Variants in TFDP1 observed in about 807,000 individuals in gnomAD.
TFDP1 encodes the protein transcription factor Dp-1, also known as DRTF1-polypeptide 1.
TFDP1 carries 6 observed loss-of-function variants against 48.0 expected under a neutral mutation model. The observed-to-expected ratio is 0.13, with a 90% CI of 0.07 to 0.25. TFDP1 has a LOEUF of 0.25. TFDP1 is among the 10% of genes least tolerant of loss of function. The pLI is 1.00. For missense variants in TFDP1, 335 were observed against 543.0 expected (o/e 0.62, Z 3.81); for synonymous variants, 201 against 211.6 (o/e 0.95, Z 0.44).
At chr13:113,640,064 G>T (rs977702011) in intron 11 of TFDP1, 56 bp from the exon 12 acceptor site, 3 of 1,325,472 alleles carry the variant, frequency 2.3e-6, no homozygotes, top group East Asian at 2.4e-5. Context: ...CCTGAGGCGG[G>T]GGGAGGCTGG....
chr13:113,610,067 G>A (rs1391059470), intron 2 of TFDP1, among the ~76,000 whole-genome samples: 2 of 152,250 alleles, frequency 1.3e-5, no homozygotes, highest in African/African-American at 2.4e-5. Flanking sequence ...GTTCTGATAG[G>A]AGTCCCCCTT....
chr13:113,586,853 T>C (rs1364794945), intron 2 of TFDP1, among the ~76,000 whole-genome samples: 4 of 152,236 alleles, frequency 2.6e-5, no homozygotes, highest in Non-Finnish European at 4.4e-5. Flanking sequence ...GTGTGAGTTT[T>C]TGAAGTCATA....
chr13:113,625,535 G>C (rs1273001357), intron 4 of TFDP1, among the ~76,000 whole-genome samples: 2 of 102,426 alleles, frequency 2.0e-5, no homozygotes, highest in African/African-American at 5.2e-5. Flanking sequence ...GTGTTTCTCA[G>C]GTGTCTCTCA....
At chr13:113,588,340 A>G (rs1396117760) in intron 2 of TFDP1, among the ~76,000 whole-genome samples, 2 of 152,218 alleles carry the variant, frequency 1.3e-5, no homozygotes, top group Admixed American at 1.3e-4. Flanking sequence ...AGGCCCTGGT[A>G]GTCACCATGG....
At chr13:113,638,193 A>C (rs1289101683) in intron 11 of TFDP1, among the ~76,000 whole-genome samples, 1 of 152,242 alleles carries the variant, frequency 6.6e-6, no homozygotes, top group East Asian at 1.9e-4. Flanking sequence ...CGGCAGCCCA[A>C]GTAACAGCAA....
At chr13:113,592,993 C>A (rs1263417544) in intron 2 of TFDP1, among the ~76,000 whole-genome samples, 2 of 140,634 alleles carry the variant, frequency 1.4e-5, no homozygotes, top group Non-Finnish European at 3.0e-5. Flanking sequence ...GACAGGTGTG[C>A]TGTGCACGCG....
At chr13:113,625,777 ACG>A (rs2049148399) in intron 4 of TFDP1, among the ~76,000 whole-genome samples, 4 of 112,040 alleles carry the variant, frequency 3.6e-5, no homozygotes, top group Admixed American at 9.0e-5. Flanking sequence ...GGCGTCTCTC[ACG>A]TGTCCTCAGG....
intron 4 of TFDP1, among the ~76,000 whole-genome samples, chr13:113,625,083 T>C (rs201015242): frequency 5.8e-4 from 61 of 105,722 alleles, no homozygotes; most frequent in Non-Finnish European, 6.2e-4. Flanking sequence ...TGTCCTCAGG[T>C]GTCTCTCACG....
intron 2 of TFDP1, among the ~76,000 whole-genome samples, chr13:113,610,108 C>T (rs1284668553): frequency 2.6e-5 from 4 of 152,172 alleles, no homozygotes; most frequent in African/African-American, 9.7e-5. Flanking sequence ...TGTACCATTA[C>T]GCGTGTGCTC....
At position 113,623,306 on chromosome 13, in the gene TFDP1, G is replaced by A. The variant is rs761037150; in HGVS notation, c.186+20G>A. On this transcript the variant is annotated intron_variant, in intron 4 of 11. Coordinates refer to ENST00000375370, the MANE Select transcript of TFDP1 (RefSeq NM_007111.5). The surrounding 1 kb of genome is among the most constrained non-coding windows in gnomAD (Gnocchi z 5.2). ...CAAGTGGTAAGCCTCCCGCAGGAGC[G>A]GACAGCCGGGATCTCGGTGTGAGGT... 1.3e-5 allele frequency: 21 copies of A among 1,588,712 alleles called. No homozygotes were observed. The highest frequency in any genetic ancestry group is 6.9e-5 in the East Asian group (3 of 43,324).
chr13:113,617,585 TGCAGAGCCC>T (rs2048892760), intron 3 of TFDP1, among the ~76,000 whole-genome samples: 1 of 139,142 alleles, frequency 7.2e-6, no homozygotes, highest in African/African-American at 3.3e-5. Flanking sequence ...GCCGCTCACC[TGCAGAGCCC>T]TTCACCTGCA....
rs1157909902 is a variant in TFDP1 at position 113,593,874 on chromosome 13, A to G, written c.12+8025A>G. Among the ~76,000 whole-genome samples, 83 of 92,192 alleles carry G rather than the reference A, an allele frequency of 9.0e-4. No individual in the cohort carries two copies. The Middle Eastern group carries it at 0.038, about 43-fold the overall frequency. The allele number at this position is 92,192 out of a possible 152,430, so 60.5% of individuals were successfully genotyped here. A position where few individuals can be genotyped will look rare whatever the true frequency, so the allele number is the denominator to read the frequency against. Reference sequence around the variant, plus strand: ...CAGGTGACAGGTGTGCTGTGTGCTGATCCTCAGCCCTGTCCAGGTGACAGG... The same window carrying G: ...CAGGTGACAGGTGTGCTGTGTGCTGGTCCTCAGCCCTGTCCAGGTGACAGG... On this transcript the variant is annotated intron_variant, in intron 2 of 11. Coordinates refer to ENST00000375370, the MANE Select transcript of TFDP1 (RefSeq NM_007111.5).
chr13:113,593,981 T>G (rs2048217898), intron 2 of TFDP1, among the ~76,000 whole-genome samples: 1 of 135,588 alleles, frequency 7.4e-6, no homozygotes, highest in Non-Finnish European at 1.5e-5. Flanking sequence ...GTGACAGTTG[T>G]GCTGTGTGTG....
At chr13:113,586,929 C>T (rs563182413) in intron 2 of TFDP1, among the ~76,000 whole-genome samples, 2 of 152,228 alleles carry the variant, frequency 1.3e-5, no homozygotes, top group Non-Finnish European at 2.9e-5. Context: ...GCCCTGACCT[C>T]GTGCGGGCAT....
intron 3 of TFDP1, among the ~76,000 whole-genome samples, chr13:113,613,626 A>AGT (rs143082677): frequency 0.48 from 67,295 of 139,584 alleles, 18,165 homozygotes; most frequent in African/African-American, 0.72. Flanking sequence ...GTATGTGAGG[A>AGT]GTGTGTGTGC....
intron 4 of TFDP1, among the ~76,000 whole-genome samples, chr13:113,628,895 G>A (rs376150874): frequency 1.5e-3 from 230 of 152,276 alleles, no homozygotes; most frequent in African/African-American, 5.4e-3. Flanking sequence ...GAGGCCGGGG[G>A]CCTGCTCCAT....
At chr13:113,605,857 CAGGGGAT>C (rs1566647858) in intron 2 of TFDP1, among the ~76,000 whole-genome samples, 10 of 143,520 alleles carry the variant, frequency 7.0e-5, no homozygotes, top group African/African-American at 2.9e-4. Flanking sequence ...TGAGTGTCCG[CAGGGGAT>C]CCTGTGGGAA....
intron 4 of TFDP1, 34 bp from the exon 5 acceptor site, chr13:113,631,589 G>A: frequency 6.2e-7 from 1 of 1,606,902 alleles, no homozygotes; most frequent in African/African-American, 1.3e-5. Flanking sequence ...TGTGGGAGGG[G>A]ACTGACTGTC....
At chr13:113,596,406 G>A (rs928105280) in intron 2 of TFDP1, among the ~76,000 whole-genome samples, 2 of 152,172 alleles carry the variant, frequency 1.3e-5, no homozygotes, top group Non-Finnish European at 2.9e-5. Flanking sequence ...TATCTGGAAC[G>A]ATGCAGCATG....
Sources: gnomAD v4.1 joint callset for allele counts (sites outside exome capture counted in the v4.1 genomes callset) on GRCh38, gnomAD v4.1.1 for gene constraint, Gnocchi (gnomAD v3.1) non-coding constraint, MANE v1.5 for transcripts, NCBI Gene and HGNC (gene_info 2026-07-23, HGNC 2026-07-21) for gene names.